Variants in PAQR3 observed in about 807,000 individuals in gnomAD.
PAQR3 encodes the protein progestin and adipoQ receptor family member 3.
PAQR3 carries 39 observed loss-of-function variants against 41.7 expected under a neutral mutation model. The observed-to-expected ratio is 0.93, with a 90% CI of 0.72 to 1.22. The LOEUF is 1.22. Among genes scored for constraint, PAQR3 ranks in the 50% most tolerant of loss-of-function variants. PAQR3 has a pLI of 0.00. For missense variants in PAQR3, 366 were observed against 385.6 expected (o/e 0.95, Z 0.42); for synonymous variants, 140 against 140.6 (o/e 1.00, Z 0.03).
chr4:78,910,897 C>G, downstream of PAQR3: 1 of 1,613,908 alleles, frequency 6.2e-7, no homozygotes, highest in Non-Finnish European at 8.5e-7. Flanking sequence ...AAATCTGGGT[C>G]ATAGGCCTCT....
intron 2 of PAQR3, 155 bp from the exon 3 acceptor site, chr4:78,930,480 C>G: frequency 1.5e-5 from 10 of 663,322 alleles, no homozygotes; most frequent in Non-Finnish European, 2.4e-5. Flanking sequence ...CTGTAGAGCT[C>G]ACTCTACATG....
chr4:78,938,956 G>A (rs982902231), intron 1 of PAQR3, 84 bp downstream of exon 1: 54 of 1,327,460 alleles, frequency 4.1e-5, no homozygotes, highest in Non-Finnish European at 5.1e-5. Flanking sequence ...CAAGCAGAAA[G>A]GCGGGGAAAG....
chr4:78,896,883 G>A (rs1487381199), intron 11 of PAQR3, among the ~76,000 whole-genome samples: 1 of 152,116 alleles, frequency 6.6e-6, no homozygotes, highest in Non-Finnish European at 1.5e-5. Context: ...CCAAGAGCAT[G>A]TACATTTACA....
In PAQR3 at chr4:78,918,611, C is replaced by T. The variant is rs1735328143; in HGVS notation, c.*1928G>A. The T allele has an allele frequency of 2.1e-6, 2 of 962,864 alleles. No homozygotes were observed. The highest frequency in any genetic ancestry group is 2.5e-6 in the Non-Finnish European group (2 of 809,226). 59.6% of individuals were successfully genotyped at this position (962,864 alleles called of 1,614,324 possible). On this transcript the variant is annotated 3_prime_UTR_variant, in exon 6 of 6. Transcript: ENST00000512733. ...TCAAAGAAACACGGATTTAAAAACA[C>T]AGTATACTCTTTTCATGTTATTAAT... is the stretch of plus-strand genomic sequence containing the variant.
At position 78,913,260 on chromosome 4, in the gene PAQR3, C is replaced by T. The variant is rs1413163734; in HGVS notation, c.*7279G>A. On this transcript the variant is annotated 3_prime_UTR_variant, in exon 6 of 6. Transcript: ENST00000512733. Reference sequence around the variant, plus strand: ...CACTAATATACCAGATCCTAAAATGCATATAAGGTGGACTAGCATCTTAAT... The same window carrying T: ...CACTAATATACCAGATCCTAAAATGTATATAAGGTGGACTAGCATCTTAAT... 1 of 152,084 alleles carries T rather than the reference C, an allele frequency of 6.6e-6. No individual in the cohort carries two copies. The highest frequency in any genetic ancestry group is 2.4e-5 in the African/African-American group (1 of 41,418). 9.4% of individuals were successfully genotyped at this position (152,084 alleles called of 1,614,324 possible).
chr4:78,899,198 C>T (rs911559461), intron 11 of PAQR3: 10 of 151,968 alleles, frequency 6.6e-5, no homozygotes, highest in African/African-American at 2.4e-4. Context: ...GAAATAACAG[C>T]CTGAGAGAGA....
At chr4:78,932,044 A>C (rs1736960591) in intron 2 of PAQR3, among the ~76,000 whole-genome samples, 1 of 152,212 alleles carries the variant, frequency 6.6e-6, no homozygotes, top group Non-Finnish European at 1.5e-5. Context: ...AACAGTATAA[A>C]GTAGTTACAA....
At chr4:78,934,062 A>T (rs2110169303) in intron 2 of PAQR3, among the ~76,000 whole-genome samples, 1 of 152,308 alleles carries the variant, frequency 6.6e-6, no homozygotes, top group South Asian at 2.1e-4. Flanking sequence ...TTTGGCTGTA[A>T]TCAGGGCAAA....
At position 78,939,365 on chromosome 4, in the gene PAQR3, G is replaced by A. The variant is rs1028408553; in HGVS notation, c.-141C>T. The A allele has an allele frequency of 2.8e-5, 19 of 671,946 alleles. No individual in the cohort carries two copies. Among genetic ancestry groups the A allele is most frequent in the Admixed American group, 4.7e-5 (1 of 21,188 alleles). 41.6% of individuals were successfully genotyped at this position (671,946 alleles called of 1,614,324 possible). On this transcript the variant is annotated 5_prime_UTR_variant, in exon 1 of 6. Transcript: ENST00000512733. ...CCTACCGCGCTGCCGCTGCTGCCCAGGGCCCGGCTCTGCGCTCACACCGGC... is the reference window on the plus strand; with the variant it reads ...CCTACCGCGCTGCCGCTGCTGCCCAAGGCCCGGCTCTGCGCTCACACCGGC...
intron 11 of PAQR3, among the ~76,000 whole-genome samples, chr4:78,891,550 TCTC>T (rs1334429087): frequency 5.9e-5 from 9 of 152,216 alleles, no homozygotes; most frequent in Non-Finnish European, 1.3e-4. Flanking sequence ...TAAATTTTGT[TCTC>T]CTCTGTTTTC....
chr4:78,923,614 C>T, intron 5 of PAQR3: 1 of 497,490 alleles, frequency 2.0e-6, no homozygotes, highest in Non-Finnish European at 3.6e-6. Flanking sequence ...CTAATGTCAG[C>T]TTTGTCACTA....
intron 11 of PAQR3, among the ~76,000 whole-genome samples, chr4:78,892,333 T>G (rs1733482898): frequency 6.6e-6 from 1 of 152,232 alleles, no homozygotes; most frequent in Non-Finnish European, 1.5e-5. Flanking sequence ...TAAAGAAATT[T>G]GTACATTTCA....
At chr4:78,922,837 C>T (rs978714810) in intron 5 of PAQR3, 8 of 443,076 alleles carry the variant, frequency 1.8e-5, no homozygotes, top group Non-Finnish European at 2.7e-5. Flanking sequence ...ACTTAGCCCA[C>T]GTAACTAGAA....
intron 2 of PAQR3, among the ~76,000 whole-genome samples, chr4:78,930,806 TTA>T (rs1458611651): frequency 6.6e-6 from 1 of 152,016 alleles, no homozygotes; most frequent in Non-Finnish European, 1.5e-5. Context: ...ATAACATTTT[TTA>T]TGTGTCTTTC....
chr4:78,917,784 T>TA lies in PAQR3; in HGVS notation c.*2754_*2755insT. The TA allele has an allele frequency of 1.0e-6, 1 of 982,520 alleles. No individual in the cohort carries two copies. The highest frequency in any genetic ancestry group is 1.2e-6 in the Non-Finnish European group (1 of 827,128). The allele number at this position is 982,520 out of a possible 1,614,324, so 60.9% of individuals were successfully genotyped here. ...ACCTGCCAAATGGAGAGTTGTACAG[T>TA]TTTACGGAAGTCAATCACAATCTTC... On this transcript the variant is annotated 3_prime_UTR_variant, in exon 6 of 6. Transcript: ENST00000512733.
At chr4:78,892,970 TTAAAA>T (rs1733520683) in intron 11 of PAQR3, among the ~76,000 whole-genome samples, 1 of 152,238 alleles carries the variant, frequency 6.6e-6, no homozygotes, top group Admixed American at 6.5e-5. Context: ...TGGTAATTTC[TTAAAA>T]TAAGACAATG....
At position 78,924,288 on chromosome 4, in the gene PAQR3, C is replaced by T. The variant is rs150798604; in HGVS notation, c.703-341G>A. On this transcript the variant is annotated intron_variant, in intron 4 of 5. Transcript: ENST00000512733. Reference sequence around the variant, plus strand: ...GACACTGAAGACCAGGAACTTATGGCTGGAAAAGACCTAAGGGGTCTCCCC... The same window carrying T: ...GACACTGAAGACCAGGAACTTATGGTTGGAAAAGACCTAAGGGGTCTCCCC... Among the ~76,000 whole-genome samples, 377 of 152,232 alleles carry T rather than the reference C, an allele frequency of 2.5e-3. 2 individuals are homozygous for T. The highest frequency in any genetic ancestry group is 4.2e-3 in the Non-Finnish European group (286 of 67,998).
At chr4:78,889,876 A>T (rs1389291089) in intron 11 of PAQR3, among the ~76,000 whole-genome samples, 1 of 152,246 alleles carries the variant, frequency 6.6e-6, no homozygotes, top group East Asian at 1.9e-4. Flanking sequence ...AAATGAATTT[A>T]TGCAGCAGAA....
Position 78,930,255 on chromosome 4 carries a change from C to G in PAQR3, c.419G>C (p.Trp140Ser). 1 of 1,613,730 alleles carries G rather than the reference C, an allele frequency of 6.2e-7. No homozygotes were observed. The highest frequency in any genetic ancestry group is 8.5e-7 in the Non-Finnish European group (1 of 1,179,758). Residue 140 changes from tryptophan (W) to serine (S), a missense_variant, in exon 3 of 6, where the codon TGG becomes TCG. Trp to Ser is a radical substitution (Grantham distance 177, BLOSUM62 -3). Transcript: ENST00000512733. Reference sequence around the variant, plus strand: ...AATTCCTGCATAATCTAATGCCATCCATCTTCGACATGTTTTTTCTGACCG... The same window carrying G: ...AATTCCTGCATAATCTAATGCCATCGATCTTCGACATGTTTTTTCTGACCG... ...CHRSEKTCRR[W>S]MALDYAGISI...
Sources: allele counts gnomAD v4.1 joint callset (sites outside exome capture counted in the v4.1 genomes callset), GRCh38; gene constraint gnomAD v4.1.1; transcripts MANE v1.5; gene names NCBI Gene and HGNC (gene_info 2026-07-23, HGNC 2026-07-21).